EPHA4: variants seen among roughly 807,000 people sequenced by gnomAD.
EPHA4 encodes the protein ephrin type-A receptor 4.
Under a neutral mutation model 108.3 loss-of-function variants are expected in EPHA4, and 19 were observed. The observed-to-expected ratio is 0.18, with a 90% CI of 0.12 to 0.26. EPHA4 has a LOEUF of 0.26. EPHA4 is among the 10% of genes least tolerant of loss of function. EPHA4 has a pLI of 1.00. For missense variants in EPHA4, 917 were observed against 1,254.0 expected (o/e 0.73, Z 4.06); for synonymous variants, 449 against 455.5 (o/e 0.99, Z 0.18).
intron 5 of EPHA4, 149 bp from the exon 6 acceptor site, chr2:221,458,139 C>T (rs1302796061): frequency 1.1e-6 from 1 of 926,440 alleles, no homozygotes; most frequent in Non-Finnish European, 1.5e-6. Context: ...AGTATAGAAG[C>T]ATATCATTTT....
intron 4 of EPHA4, among the ~76,000 whole-genome samples, chr2:221,490,501 A>G (rs1015321193): frequency 2.4e-4 from 37 of 152,212 alleles, no homozygotes; most frequent in Non-Finnish European, 5.0e-4. Flanking sequence ...TAACTCTCCC[A>G]TGATCGATGT....
At chr2:221,441,640 G>A (rs114493682) in intron 11 of EPHA4, among the ~76,000 whole-genome samples, 1 of 152,132 alleles carries the variant, frequency 6.6e-6, no homozygotes, top group East Asian at 1.9e-4. Context: ...ATCCGTGGAT[G>A]ACAACTGCTA....
At chr2:221,556,419 A>T (rs1694301692) in intron 3 of EPHA4, among the ~76,000 whole-genome samples, 1 of 151,508 alleles carries the variant, frequency 6.6e-6, no homozygotes, top group Non-Finnish European at 1.5e-5. Flanking sequence ...GGCTCAGCCT[A>T]CTGAGTAGCT....
At chr2:221,556,715 G>T (rs1694314749) in intron 3 of EPHA4, among the ~76,000 whole-genome samples, 1 of 151,874 alleles carries the variant, frequency 6.6e-6, no homozygotes, top group South Asian at 2.1e-4. Flanking sequence ...GCCTACCGAA[G>T]GTACAGTACA....
At chr2:221,507,084 T>C (rs1216717014) in intron 3 of EPHA4, among the ~76,000 whole-genome samples, 1 of 152,156 alleles carries the variant, frequency 6.6e-6, no homozygotes, top group Non-Finnish European at 1.5e-5. Context: ...ATTTTGCCCA[T>C]GGGTCATACT....
rs1343047908 is a variant in EPHA4, at chr2:221,571,003, C to G, written c.91+1155G>C. ...GACTAGATGCACGCAGGCCAGAGCACCAGCATACGCTGGAACAGAGCACGA... is the reference window on the plus strand; with the variant it reads ...GACTAGATGCACGCAGGCCAGAGCAGCAGCATACGCTGGAACAGAGCACGA... On this transcript the variant is annotated intron_variant, in intron 1 of 17. Transcript: ENST00000281821. The surrounding 1 kb of genome is among the most constrained non-coding windows in gnomAD (Gnocchi z 6.3). 6.6e-6 allele frequency among the ~76,000 whole-genome samples: 1 copy of G among 152,106 alleles called. No individual in the cohort carries two copies. The highest frequency in any genetic ancestry group is 1.5e-5 in the Non-Finnish European group (1 of 68,018).
At position 221,571,464 on chromosome 2, in the gene EPHA4, C is replaced by T. The variant is rs889206277; in HGVS notation, c.91+694G>A. Among the ~76,000 whole-genome samples, 1 of 152,210 alleles carries T rather than the reference C, an allele frequency of 6.6e-6. No individual in the cohort carries two copies. The highest frequency in any genetic ancestry group is 2.4e-5 in the African/African-American group (1 of 41,454). On this transcript the variant is annotated intron_variant, in intron 1 of 17. Transcript: ENST00000281821. This position sits in a 1 kb window ranked among gnomAD's most constrained non-coding sequence, Gnocchi z 6.3. ...CTCTAAACTGTGTGCAATTCTGGGG[C>T]GAAAAGCTAAAACTCGACTGCGTTC...
rs1298317986 is a variant in EPHA4, at chr2:221,571,251, C to CACAT, written c.91+903_91+906dup. Among the ~76,000 whole-genome samples, 1 of 138,098 alleles carries CACAT rather than the reference C, an allele frequency of 7.2e-6. No homozygotes were observed. The highest frequency in any genetic ancestry group is 1.6e-5 in the Non-Finnish European group (1 of 64,300). The allele number at this position is 138,098 out of a possible 152,430, so 90.6% of individuals were successfully genotyped here. On this transcript the variant is annotated intron_variant, in intron 1 of 17. Coordinates refer to ENST00000281821, the MANE Select transcript of EPHA4 (RefSeq NM_004438.5). The surrounding 1 kb of genome is among the most constrained non-coding windows in gnomAD (Gnocchi z 6.3). ...CACGCAGACATGCACACACACACCA[C>CACAT]ACATACACACACACACACACACAGT...
chr2:221,443,717 G>T, intron 9 of EPHA4, 111 bp from the exon 10 acceptor site: 3 of 643,594 alleles, frequency 4.7e-6, no homozygotes, highest in Non-Finnish European at 7.9e-6. Flanking sequence ...TTAGCTGTAC[G>T]GTCTTGACAT....
intron 5 of EPHA4, among the ~76,000 whole-genome samples, chr2:221,459,110 T>A (rs920372594): frequency 2.0e-5 from 3 of 152,126 alleles, no homozygotes; most frequent in Non-Finnish European, 4.4e-5. Context: ...GAAAATGGTA[T>A]GGGAAAAGCT....
chr2:221,447,984 G>A lies in EPHA4; in HGVS notation c.1716-1803C>T, dbSNP rs368892860. Among the ~76,000 whole-genome samples the A allele has an allele frequency of 2.1e-4, 32 of 152,068 alleles. 1 individual carries two copies. The East Asian group carries it at 5.8e-3, about 28-fold the overall frequency. ...AGCCTCCTGAGTAGCTGGGATTATA[G>A]GCACCCGCCACCCATGCTCGGCTAA... On this transcript the variant is annotated intron_variant, in intron 8 of 17. Coordinates refer to ENST00000281821, the MANE Select transcript of EPHA4 (RefSeq NM_004438.5).
intron 12 of EPHA4, 100 bp from the exon 13 acceptor site, chr2:221,436,708 G>A (rs924039527): frequency 1.0e-5 from 12 of 1,197,654 alleles, no homozygotes; most frequent in Admixed American, 3.6e-5. Context: ...TCTGTATCCG[G>A]TATGCAATGA....
At chr2:221,562,743 A>G (rs1180656388) in intron 3 of EPHA4, among the ~76,000 whole-genome samples, 1 of 152,212 alleles carries the variant, frequency 6.6e-6, no homozygotes. Context: ...GGAATAAAAG[A>G]TATTTTTGAG....
chr2:221,444,129 T>G (rs184679652), intron 9 of EPHA4, among the ~76,000 whole-genome samples: 1 of 151,976 alleles, frequency 6.6e-6, no homozygotes, highest in East Asian at 1.9e-4. Context: ...TAATATCAGC[T>G]AGTTGATTTG....
rs376977378 is a variant in EPHA4, at chr2:221,436,402, G to T, written c.2343C>A (p.Thr781=). The T allele has an allele frequency of 6.2e-7, 1 of 1,613,958 alleles. No individual in the cohort carries two copies. The highest frequency in any genetic ancestry group is 1.7e-5 in the Admixed American group (1 of 60,034). ...LEDDPEAAYT[T]RGGKIPIRWT... ...AGATGTCACCGATCTTTCTTACCCT[G>T]GTGGTGTAAGCTGCTTCCGGATCAT... The change falls in exon 13 of 18, where the codon ACC becomes ACA. Residue 781 remains threonine (T), a synonymous_variant. Coordinates refer to ENST00000281821, the MANE Select transcript of EPHA4 (RefSeq NM_004438.5).
chr2:221,426,844 C>T (rs1246298152), intron 15 of EPHA4, among the ~76,000 whole-genome samples: 3 of 152,190 alleles, frequency 2.0e-5, no homozygotes, highest in East Asian at 1.9e-4. Flanking sequence ...CTATTTCCTG[C>T]GCTTGTTTTA....
At chr2:221,526,721 C>T (rs911557435) in intron 3 of EPHA4, among the ~76,000 whole-genome samples, 3 of 151,668 alleles carry the variant, frequency 2.0e-5, no homozygotes, top group African/African-American at 7.3e-5. Flanking sequence ...GTGGCGAGGG[C>T]CTATAATCCC....
At chr2:221,569,236 G>A (rs1383041928) in intron 1 of EPHA4, among the ~76,000 whole-genome samples, 1 of 152,170 alleles carries the variant, frequency 6.6e-6, no homozygotes, top group African/African-American at 2.4e-5. Flanking sequence ...TCTTCTATCA[G>A]AGAGTATCCT....
At chr2:221,552,929 A>G (rs1694203232) in intron 3 of EPHA4, among the ~76,000 whole-genome samples, 1 of 152,228 alleles carries the variant, frequency 6.6e-6, no homozygotes, top group East Asian at 1.9e-4. Flanking sequence ...TAAAACATTA[A>G]TAACATTGAT....
Sources: gnomAD v4.1 joint callset for allele counts (sites outside exome capture counted in the v4.1 genomes callset) on GRCh38, gnomAD v4.1.1 for gene constraint, Gnocchi (gnomAD v3.1) non-coding constraint, MANE v1.5 for transcripts, NCBI Gene and HGNC (gene_info 2026-07-23, HGNC 2026-07-21) for gene names.